The following FHIT variants were observed in gnomAD, a reference collection of about 807,000 sequenced individuals.
FHIT encodes bis(5'-adenosyl)-triphosphatase.
Under a neutral mutation model 17.9 loss-of-function variants are expected in FHIT, and 19 were observed. The ratio of observed to expected loss-of-function variants is 1.06; its 90% confidence interval spans 0.74 to 1.56. FHIT has a LOEUF of 1.56. Among genes scored for constraint, FHIT ranks in the 40% most tolerant of loss-of-function variants. FHIT has a pLI of 0.00. For missense variants in FHIT, 248 were observed against 189.2 expected, an observed-to-expected ratio of 1.31 and a Z score of -1.82; for synonymous variants, 81 against 69.7, an observed-to-expected ratio of 1.16 and a Z score of -0.81.
chr3:61,071,705 C>A (rs1390192206), intron 2 of FHIT, among the ~76,000 whole-genome samples: 2 of 151,912 alleles, frequency 1.3e-5, no homozygotes, highest in African/African-American at 4.8e-5. Context: ...ATATATATTT[C>A]TACGTTGGCA....
intron 3 of FHIT, among the ~76,000 whole-genome samples, chr3:61,018,500 G>C (rs2032234849): frequency 6.6e-6 from 1 of 152,128 alleles, no homozygotes; most frequent in Non-Finnish European, 1.5e-5. Context: ...GACCCCAAAA[G>C]GGATTTGACT....
intron 5 of FHIT, among the ~76,000 whole-genome samples, chr3:60,121,934 G>A (rs1309419765): frequency 1.3e-5 from 2 of 151,938 alleles, no homozygotes; most frequent in East Asian, 3.9e-4. Context: ...AATATATTTG[G>A]GTTTATTTCA....
At chr3:59,940,857 T>G (rs1706480311) in intron 7 of FHIT, among the ~76,000 whole-genome samples, 1 of 152,236 alleles carries the variant, frequency 6.6e-6, no homozygotes, top group African/African-American at 2.4e-5. Context: ...CTCTTCTAGT[T>G]ACTTTTACCC....
chr3:60,914,726 C>A (rs1272756064), intron 3 of FHIT, among the ~76,000 whole-genome samples: 1 of 152,174 alleles, frequency 6.6e-6, no homozygotes, highest in Non-Finnish European at 1.5e-5. Context: ...TTTGTGGAAT[C>A]CCCACCAGCA....
At chr3:60,932,265 G>A (rs923753980) in intron 3 of FHIT, among the ~76,000 whole-genome samples, 7 of 152,162 alleles carry the variant, frequency 4.6e-5, no homozygotes, top group African/African-American at 1.7e-4. Context: ...CACAGGATAA[G>A]TGCCTTATCC....
At chr3:60,519,928 G>C (rs2035297563) in intron 5 of FHIT, among the ~76,000 whole-genome samples, 1 of 152,270 alleles carries the variant, frequency 6.6e-6, no homozygotes, top group South Asian at 2.1e-4. Context: ...GATGATTAGT[G>C]TCCTGAGGAG....
intron 5 of FHIT, among the ~76,000 whole-genome samples, chr3:60,262,664 T>C (rs1706362986): frequency 6.6e-6 from 1 of 151,906 alleles, no homozygotes; most frequent in Non-Finnish European, 1.5e-5. Context: ...TAGCTAAGAT[T>C]AGAACTCTTT....
In FHIT at chr3:60,278,155, T is replaced by C. The variant is rs79308493; in HGVS notation, c.103+258705A>G. Among the ~76,000 whole-genome samples, 241 of 152,306 alleles carry C rather than the reference T, an allele frequency of 1.6e-3. 4 individuals carry two copies. The highest frequency in any genetic ancestry group is 6.8e-3 in the Middle Eastern group (2 of 294). On this transcript the variant is annotated intron_variant, in intron 5 of 9. Transcript: ENST00000492590. ...AGACTAGCTTGAGAGTTAAAAACTC[T>C]TGCAGCCTAGTCTTAGGGGAGACTA...
intron 5 of FHIT, among the ~76,000 whole-genome samples, chr3:60,366,947 T>C (rs1379639637): frequency 1.3e-5 from 2 of 152,202 alleles, no homozygotes; most frequent in African/African-American, 4.8e-5. Context: ...GCTATACCTA[T>C]GCTAAGTGAA....
intron 7 of FHIT, among the ~76,000 whole-genome samples, chr3:59,947,650 G>C (rs1302989616): frequency 2.6e-5 from 4 of 152,116 alleles, no homozygotes; most frequent in African/African-American, 9.7e-5. Context: ...GCAACCCTGG[G>C]GGGGCTGGTA....
At chr3:60,998,205 T>C (rs995079377) in intron 3 of FHIT, among the ~76,000 whole-genome samples, 5 of 152,232 alleles carry the variant, frequency 3.3e-5, no homozygotes, top group African/African-American at 1.2e-4. Context: ...ACCAGTAAGA[T>C]GAGCCATCAC....
At chr3:60,746,442 C>T (rs1001851385) in intron 4 of FHIT, among the ~76,000 whole-genome samples, 3 of 152,146 alleles carry the variant, frequency 2.0e-5, no homozygotes, top group East Asian at 1.9e-4. Flanking sequence ...GCTTCAGGAG[C>T]GACAGCAGCG....
intron 2 of FHIT, among the ~76,000 whole-genome samples, chr3:61,054,873 G>A (rs2034160862): frequency 6.6e-6 from 1 of 152,066 alleles, no homozygotes; most frequent in Non-Finnish European, 1.5e-5. Flanking sequence ...ACACTTTGGG[G>A]TCCCTCTATT....
intron 4 of FHIT, among the ~76,000 whole-genome samples, chr3:60,671,310 G>A (rs1473516454): frequency 6.6e-6 from 1 of 151,972 alleles, no homozygotes; most frequent in Non-Finnish European, 1.5e-5. Context: ...GGTCAAATGA[G>A]GACTACTAGT....
chr3:60,863,099 A>G (rs955040794), intron 3 of FHIT, among the ~76,000 whole-genome samples: 1 of 152,138 alleles, frequency 6.6e-6, no homozygotes, highest in African/African-American at 2.4e-5. Flanking sequence ...CTGCAGAGGG[A>G]AAGTCAGATT....
intron 5 of FHIT, among the ~76,000 whole-genome samples, chr3:60,304,544 T>A (rs937953262): frequency 6.6e-6 from 1 of 152,124 alleles, no homozygotes. Context: ...GTGTGTGAGT[T>A]TACATGCTTA....
intron 2 of FHIT, among the ~76,000 whole-genome samples, chr3:61,051,113 G>GA (rs1335930813): frequency 5.3e-5 from 8 of 152,070 alleles, no homozygotes; most frequent in Admixed American, 2.0e-4. Flanking sequence ...ATTAAAATGT[G>GA]AAAAAAATGT....
At chr3:60,079,284 G>A (rs1162477681) in intron 5 of FHIT, among the ~76,000 whole-genome samples, 1 of 152,110 alleles carries the variant, frequency 6.6e-6, no homozygotes, top group Admixed American at 6.6e-5. Flanking sequence ...AGAAACACAG[G>A]CTCCTCACAC....
intron 2 of FHIT, among the ~76,000 whole-genome samples, chr3:61,198,098 C>G (rs2038905333): frequency 6.6e-6 from 1 of 151,970 alleles, no homozygotes; most frequent in Non-Finnish European, 1.5e-5. Context: ...CATATTTATT[C>G]CAGATCTAGC....
Sources: allele counts gnomAD v4.1 joint callset (sites outside exome capture counted in the v4.1 genomes callset), GRCh38; gene constraint gnomAD v4.1.1; transcripts MANE v1.5; gene names NCBI Gene and HGNC (gene_info 2026-07-23, HGNC 2026-07-21).